CD9: variants seen among roughly 807,000 people sequenced by gnomAD.
The protein encoded by CD9 is CD9 molecule.
In CD9, 10 loss-of-function variants were observed where a neutral mutation model predicts 31.4. That is an observed-to-expected ratio of 0.32 (90% CI 0.20 to 0.54). The LOEUF (loss-of-function observed/expected upper bound fraction) is 0.54. CD9 is among the 20% of genes least tolerant of loss of function. CD9 has a pLI of 0.94. For missense variants in CD9, 259 were observed against 300.1 expected, an observed-to-expected ratio of 0.86 and a Z score of 1.01; for synonymous variants, 113 against 114.1, an observed-to-expected ratio of 0.99 and a Z score of 0.06.
intron 7 of CD9, among the ~76,000 whole-genome samples, chr12:6,237,143 CTGAT>C (rs2136642362): frequency 6.6e-6 from 1 of 152,142 alleles, no homozygotes; most frequent in South Asian, 2.1e-4. Context: ...CCATGCCCAG[CTGAT>C]TATTTTTAGT....
At chr12:6,227,146 A>T (rs1389390436) in intron 2 of CD9, among the ~76,000 whole-genome samples, 1 of 151,622 alleles carries the variant, frequency 6.6e-6, no homozygotes, top group Non-Finnish European at 1.5e-5. Context: ...TAAGAATCTC[A>T]TGGGTAAGAG....
At chr12:6,205,905 T>C (rs562583871) in intron 1 of CD9, 3 of 151,658 alleles carry the variant, frequency 2.0e-5, no homozygotes, top group Non-Finnish European at 4.4e-5. Context: ...GAAAGGAGAG[T>C]GGAGAAGTTT....
At chr12:6,230,921 GCT>G (rs1946435798) in intron 2 of CD9, among the ~76,000 whole-genome samples, 1 of 152,218 alleles carries the variant, frequency 6.6e-6, no homozygotes, top group East Asian at 1.9e-4. Flanking sequence ...AGGAACAAAC[GCT>G]CTCTGTGTGC....
At position 6,220,324 on chromosome 12, in the gene CD9, A is replaced by G. The variant is rs961263086; in HGVS notation, c.67-5102A>G. 6.6e-5 allele frequency among the ~76,000 whole-genome samples: 10 copies of G among 152,130 alleles called. No homozygotes were observed. The South Asian group carries it at 8.3e-4, about 13-fold the overall frequency. On this transcript the variant is annotated intron_variant, in intron 1 of 7. Coordinates refer to ENST00000009180, the MANE Select transcript of CD9 (RefSeq NM_001769.4). The stretch of plus-strand genomic sequence containing the variant: ...AGAGATTGCATCTAAGGAGCAGACA[A>G]GGAGGAGGCAGGGTTCAGTGGTGTC...
At chr12:6,205,575 C>T (rs1180456951) in intron 1 of CD9, among the ~76,000 whole-genome samples, 1 of 152,210 alleles carries the variant, frequency 6.6e-6, no homozygotes, top group Non-Finnish European at 1.5e-5. Context: ...ATGAGAATCT[C>T]CCCCTTACAC....
Position 6,237,885 on chromosome 12 carries a change from TG to T in CD9, c.*58del. ...ACCCATGAAGATTGGTGGGATTTTTTGTTTGTTTGTTTTGTTTTGTTTGTTG... is the reference window on the plus strand; with the variant it reads ...ACCCATGAAGATTGGTGGGATTTTTTTTTGTTTGTTTTGTTTTGTTTGTTG... On this transcript the variant is annotated 3_prime_UTR_variant, in exon 8 of 8. Coordinates refer to ENST00000009180, the MANE Select transcript of CD9 (RefSeq NM_001769.4). 1 of 1,322,266 alleles carries T rather than the reference TG, an allele frequency of 7.6e-7. No individual in the cohort carries two copies. Among genetic ancestry groups the T allele is most frequent in the South Asian group, 1.2e-5 (1 of 82,780 alleles). The allele number at this position is 1,322,266 out of a possible 1,614,324, so 81.9% of individuals were successfully genotyped here.
chr12:6,229,629 G>A (rs1031757206), intron 2 of CD9, among the ~76,000 whole-genome samples: 3 of 152,122 alleles, frequency 2.0e-5, no homozygotes, highest in African/African-American at 7.2e-5. Flanking sequence ...AGGCCCTACC[G>A]GATTTTGTTC....
intron 1 of CD9, among the ~76,000 whole-genome samples, chr12:6,207,454 G>C (rs184242193): frequency 6.6e-6 from 1 of 152,162 alleles, no homozygotes; most frequent in Non-Finnish European, 1.5e-5. Context: ...GTTTTCACTC[G>C]GTTAATTTAA....
At chr12:6,209,150 G>A (rs1442208611) in intron 1 of CD9, among the ~76,000 whole-genome samples, 2 of 152,022 alleles carry the variant, frequency 1.3e-5, no homozygotes, top group East Asian at 3.9e-4. Flanking sequence ...TGTATTTTTA[G>A]TAGAGATGGG....
At chr12:6,209,417 C>T (rs763939106) in intron 1 of CD9, among the ~76,000 whole-genome samples, 10 of 152,200 alleles carry the variant, frequency 6.6e-5, no homozygotes, top group Admixed American at 1.3e-4. Flanking sequence ...CCATACCTCC[C>T]TCAGCGGCCC....
intron 7 of CD9, 57 bp from the exon 8 acceptor site, chr12:6,237,706 C>T: frequency 7.4e-7 from 1 of 1,351,708 alleles, no homozygotes; most frequent in Non-Finnish European, 1.1e-6. Context: ...CTCCCTTTCC[C>T]TCAGCCTTCC....
At chr12:6,210,815 C>T (rs1051364449) in intron 1 of CD9, among the ~76,000 whole-genome samples, 17 of 151,540 alleles carry the variant, frequency 1.1e-4, no homozygotes, top group African/African-American at 3.9e-4. Context: ...CTTACTTGCC[C>T]TGTGATCTCA....
At chr12:6,221,458 G>T (rs768777031) in intron 1 of CD9, among the ~76,000 whole-genome samples, 4 of 152,152 alleles carry the variant, frequency 2.6e-5, no homozygotes, top group Non-Finnish European at 5.9e-5. Flanking sequence ...CTGCTCCTGG[G>T]ATGATAGGCT....
chr12:6,202,915 C>A (rs1378703535), intron 1 of CD9, among the ~76,000 whole-genome samples: 1 of 152,220 alleles, frequency 6.6e-6, no homozygotes, highest in African/African-American at 2.4e-5. Flanking sequence ...TACTTCTGTC[C>A]TCTTCCATCT....
At chr12:6,201,108 C>G (rs1485128474) in intron 1 of CD9, 1 of 152,292 alleles carries the variant, frequency 6.6e-6, no homozygotes, top group African/African-American at 2.4e-5. Context: ...GGTGCCTCGG[C>G]CGCGGGTCCG....
At chr12:6,217,138 C>T (rs1946251453) in intron 1 of CD9, among the ~76,000 whole-genome samples, 1 of 152,128 alleles carries the variant, frequency 6.6e-6, no homozygotes, top group Non-Finnish European at 1.5e-5. Context: ...ATATCCATCA[C>T]AGTCCAGTCA....
intron 1 of CD9, chr12:6,224,860 C>G (rs1395468990): frequency 6.6e-6 from 1 of 152,342 alleles, no homozygotes; most frequent in Non-Finnish European, 1.5e-5. Context: ...CATGTGTGTC[C>G]GGAACTGTGT....
Position 6,238,028 on chromosome 12 carries a change from G to C in CD9, c.*200G>C. ...TCATTCAATATTGACATTTGTAGTT[G>C]AGCGGGGGGTTTGGTTTGCTTTGGT... is the stretch of plus-strand genomic sequence containing the variant. On this transcript the variant is annotated 3_prime_UTR_variant, in exon 8 of 8. Transcript: ENST00000009180. The C allele has an allele frequency of 2.1e-6, 1 of 485,194 alleles. No homozygotes were observed. Among genetic ancestry groups the C allele is most frequent in the Non-Finnish European group, 3.7e-6 (1 of 269,014 alleles). 30.1% of individuals were successfully genotyped at this position (485,194 alleles called of 1,614,324 possible). A position where few individuals can be genotyped will look rare whatever the true frequency, so the allele number is the denominator to read the frequency against.
chr12:6,222,602 C>T (rs1026102835), intron 1 of CD9, among the ~76,000 whole-genome samples: 1 of 152,238 alleles, frequency 6.6e-6, no homozygotes, highest in Non-Finnish European at 1.5e-5. Flanking sequence ...TGAGATGCTT[C>T]CTTTTCCCTC....
Sources: allele counts gnomAD v4.1 joint callset (sites outside exome capture counted in the v4.1 genomes callset), GRCh38; gene constraint gnomAD v4.1.1; transcripts MANE v1.5; gene names NCBI Gene and HGNC (gene_info 2026-07-23, HGNC 2026-07-21).